FILIP1L: variants seen among roughly 807,000 people sequenced by gnomAD.
FILIP1L encodes the protein filamin A interacting protein 1 like, also known as filamin A-interacting protein 1-like.
A neutral mutation model predicts 96.6 loss-of-function variants in FILIP1L; 55 were observed. The ratio of observed to expected loss-of-function variants is 0.57; its 90% confidence interval spans 0.46 to 0.71. The LOEUF is 0.71. Among genes scored for constraint, FILIP1L ranks in the 30% least tolerant of loss-of-function variants. The pLI, the probability that FILIP1L is intolerant of heterozygous loss-of-function variation, is 0.00. For missense variants in FILIP1L, 1,304 were observed against 1,321.2 expected, an observed-to-expected ratio of 0.99 and a Z score of 0.20; for synonymous variants, 467 against 473.9, an observed-to-expected ratio of 0.99 and a Z score of 0.19.
chr3:100,105,410 G>T (rs1423083076), intron 1 of FILIP1L, among the ~76,000 whole-genome samples: 1 of 152,106 alleles, frequency 6.6e-6, no homozygotes, highest in African/African-American at 2.4e-5. Flanking sequence ...CATTTCTTTT[G>T]AATCAACTGC....
rs1710357910 is a variant in FILIP1L, at chr3:100,016,858, T to G, written c.-10-85828A>C. ...AGATGCAGATTTCATGACATCTTAGTCTATGTTATCTAATGGCAAAGTGAG... is the reference window on the plus strand; with the variant it reads ...AGATGCAGATTTCATGACATCTTAGGCTATGTTATCTAATGGCAAAGTGAG... On this transcript the variant is annotated intron_variant, in intron 1 of 5. Transcript: ENST00000477258. Among the ~76,000 whole-genome samples, 2 of 152,246 alleles carry G rather than the reference T, an allele frequency of 1.3e-5. 1 individual carries two copies. The highest frequency in any genetic ancestry group is 4.1e-4 in the South Asian group (2 of 4,830).
chr3:99,838,261 C>T (rs1942979219), intron 5 of FILIP1L, among the ~76,000 whole-genome samples: 1 of 152,144 alleles, frequency 6.6e-6, no homozygotes, highest in Non-Finnish European at 1.5e-5. Flanking sequence ...CCGTGCCTGC[C>T]CATTTGTGTG....
At chr3:100,054,490 TTGTTATGTTATGTTA>T (rs10668094) in intron 1 of FILIP1L, among the ~76,000 whole-genome samples, 459 of 146,182 alleles carry the variant, frequency 3.1e-3, no homozygotes, top group African/African-American at 9.6e-3. Context: ...ATGTTATGTT[TTGTTATGTTATGTTA>T]TGTTATGTTA....
In FILIP1L at chr3:99,983,389, AATATATATATATATAT is replaced by A. The variant is rs397990626; in HGVS notation, c.-10-52375_-10-52360del. 1.1e-3 allele frequency among the ~76,000 whole-genome samples: 45 copies of A among 40,796 alleles called. 1 individual carries two copies. The Admixed American group carries it at 0.015, about 14-fold the overall frequency. 26.8% of individuals were successfully genotyped at this position (40,796 alleles called of 152,430 possible). A position where few individuals can be genotyped will look rare whatever the true frequency, so the allele number is the denominator to read the frequency against. ...TCTCTACTTAAAAAATAAATAAATAAATATATATATATATATATATATATATATATGTATGTATGTA... is the reference window on the plus strand; with the variant it reads ...TCTCTACTTAAAAAATAAATAAATAAATATATATATATATGTATGTATGTA... On this transcript the variant is annotated intron_variant, in intron 1 of 5. Transcript: ENST00000477258.
At chr3:100,057,524 C>T (rs1337291981) in intron 1 of FILIP1L, among the ~76,000 whole-genome samples, 1 of 152,182 alleles carries the variant, frequency 6.6e-6, no homozygotes, top group Non-Finnish European at 1.5e-5. Flanking sequence ...ATTTTGTGTT[C>T]TGCGTCTTAT....
intron 3 of FILIP1L, among the ~76,000 whole-genome samples, chr3:99,926,266 A>G (rs577708712): frequency 5.4e-4 from 83 of 152,378 alleles, no homozygotes; most frequent in African/African-American, 1.9e-3. Context: ...TGACTTCTAA[A>G]TGCTTAAATT....
At position 99,848,357 on chromosome 3, in the gene FILIP1L, C is replaced by G. The variant is rs1241674570; in HGVS notation, c.3319G>C (p.Val1107Leu). ...NGALNKTTNK[V>L]TSSITITPTA... ...GGTGTGATAGTAATACTGCTGGTGA[C>G]TTTATTGGTTGTTTTGTTTAGTGCC... The change falls in exon 5 of 6, where the codon GTC becomes CTC. Residue 1107 changes from valine to leucine, a missense_variant. Coordinates refer to ENST00000477258, the MANE Select transcript of FILIP1L (RefSeq NM_001387850.1). 2.2e-5 allele frequency: 35 copies of G among 1,613,976 alleles called. No individual in the cohort carries two copies. The Admixed American group carries it at 5.3e-4, about 25-fold the overall frequency.
intron 1 of FILIP1L, among the ~76,000 whole-genome samples, chr3:100,002,205 G>A (rs1709863055): frequency 6.6e-6 from 1 of 152,202 alleles, no homozygotes; most frequent in Non-Finnish European, 1.5e-5. Flanking sequence ...AAGCTGCTGG[G>A]TAAATCACGC....
At chr3:99,925,961 G>A (rs769328500) in intron 3 of FILIP1L, 6 of 824,470 alleles carry the variant, frequency 7.3e-6, no homozygotes, top group Non-Finnish European at 8.8e-6. Flanking sequence ...TCTTTTGCTA[G>A]TGATAAATTA....
At chr3:100,033,190 G>GA (rs1276181892) in intron 1 of FILIP1L, among the ~76,000 whole-genome samples, 2 of 152,152 alleles carry the variant, frequency 1.3e-5, no homozygotes, top group South Asian at 4.1e-4. Context: ...TAAAACCTTA[G>GA]AAAAAATCAA....
chr3:100,013,619 A>T (rs1225070479), intron 1 of FILIP1L, among the ~76,000 whole-genome samples: 1 of 152,162 alleles, frequency 6.6e-6, no homozygotes, highest in African/African-American at 2.4e-5. Flanking sequence ...ATGAATGACC[A>T]TATTCATTTT....
intron 1 of FILIP1L, among the ~76,000 whole-genome samples, chr3:100,022,005 G>T (rs936168569): frequency 1.4e-5 from 2 of 146,946 alleles, no homozygotes; most frequent in Admixed American, 6.8e-5. Flanking sequence ...TATGAGGGGG[G>T]CACCAAGACA....
Position 99,848,958 on chromosome 3 carries a change from A to C in FILIP1L, c.2718T>G (p.Val906=). Residue 906 remains valine (V), a synonymous_variant, in exon 5 of 6, where the codon GTT becomes GTG. Coordinates refer to ENST00000477258, the MANE Select transcript of FILIP1L (RefSeq NM_001387850.1). ...CTGTGTTTTGTACATGGTCTGGAGT[A>C]ACCTTTATATGAAGTGGCTGCCCAG... is the stretch of plus-strand genomic sequence containing the variant. ...HTPGQPLHIK[V]TPDHVQNTAT... is the part of the protein sequence containing the mutation. The C allele has an allele frequency of 6.2e-7, 1 of 1,614,138 alleles. No individual in the cohort carries two copies. Among genetic ancestry groups the C allele is most frequent in the Non-Finnish European group, 8.5e-7 (1 of 1,180,016 alleles).
intron 4 of FILIP1L, among the ~76,000 whole-genome samples, chr3:99,879,309 G>T (rs540413525): frequency 1.3e-5 from 2 of 152,192 alleles, no homozygotes; most frequent in Non-Finnish European, 2.9e-5. Flanking sequence ...GTCAAAGACA[G>T]CTTAATATCA....
intron 1 of FILIP1L, among the ~76,000 whole-genome samples, chr3:99,982,060 A>C (rs1709140442): frequency 6.6e-6 from 1 of 151,882 alleles, no homozygotes; most frequent in African/African-American, 2.4e-5. Context: ...ATAAATATGC[A>C]TAAATAGAAG....
chr3:99,982,775 T>G (rs1418379588), intron 1 of FILIP1L, among the ~76,000 whole-genome samples: 1 of 152,194 alleles, frequency 6.6e-6, no homozygotes, highest in Non-Finnish European at 1.5e-5. Flanking sequence ...CCTTCCTCAT[T>G]TTTCAAAAAT....
intron 1 of FILIP1L, among the ~76,000 whole-genome samples, chr3:99,987,963 A>G (rs1709394757): frequency 6.6e-6 from 1 of 152,198 alleles, no homozygotes; most frequent in African/African-American, 2.4e-5. Context: ...CTTCCAGGCC[A>G]TCATTCTGTT....
At chr3:99,905,961 G>A (rs1706602916) in intron 4 of FILIP1L, among the ~76,000 whole-genome samples, 1 of 152,294 alleles carries the variant, frequency 6.6e-6, no homozygotes, top group Admixed American at 6.5e-5. Flanking sequence ...GGGAGGCTGA[G>A]GCAGGCAGAT....
chr3:99,915,782 T>G (rs1342300971), intron 4 of FILIP1L, among the ~76,000 whole-genome samples: 1 of 152,222 alleles, frequency 6.6e-6, no homozygotes, highest in Non-Finnish European at 1.5e-5. Flanking sequence ...CTCTGTATCC[T>G]TTGTTGTCAT....
Sources: gnomAD v4.1 joint callset for allele counts (sites outside exome capture counted in the v4.1 genomes callset) on GRCh38, gnomAD v4.1.1 for gene constraint, MANE v1.5 for transcripts, NCBI Gene and HGNC (gene_info 2026-07-23, HGNC 2026-07-21) for gene names.